Variants in STK32B observed in about 807,000 individuals in gnomAD.
STK32B encodes the protein serine/threonine kinase 32B, also known as serine/threonine-protein kinase 32B.
Under a neutral mutation model 52.6 loss-of-function variants are expected in STK32B, and 43 were observed. The ratio of observed to expected loss-of-function variants is 0.82; its 90% CI spans 0.64 to 1.05. The LOEUF (loss-of-function observed/expected upper bound fraction) is 1.05, where lower values mean the gene tolerates loss of function less well. Ranked by LOEUF, STK32B falls within the 50% of genes least tolerant of loss-of-function variation. The probability of loss-of-function intolerance (pLI) is 0.00; values close to 1 mark genes in which losing one functional copy is unlikely to be tolerated. For synonymous variants in STK32B, 238 were observed against 204.3 expected (o/e 1.17, Z -1.41); for missense variants, 621 against 534.6 (o/e 1.16, Z -1.59).
At chr4:5,324,677 G>A (rs1731756111) in intron 3 of STK32B, among the ~76,000 whole-genome samples, 2 of 152,198 alleles carry the variant, frequency 1.3e-5, no homozygotes, top group African/African-American at 2.4e-5. Context: ...TCCACACATT[G>A]TCCAATGTTC....
At chr4:5,440,857 G>T (rs921117858) in intron 6 of STK32B, among the ~76,000 whole-genome samples, 36 of 151,810 alleles carry the variant, frequency 2.4e-4, no homozygotes, top group Non-Finnish European at 4.0e-4. Context: ...CATCTATTGA[G>T]ATAATCATGT....
At chr4:5,245,435 A>G (rs1725371711) in intron 3 of STK32B, among the ~76,000 whole-genome samples, 1 of 152,080 alleles carries the variant, frequency 6.6e-6, no homozygotes, top group Non-Finnish European at 1.5e-5. Context: ...TGCTTGGTAG[A>G]TCTTCCTCCA....
chr4:5,134,291 GT>G (rs2108825042), intron 1 of STK32B, among the ~76,000 whole-genome samples: 1 of 152,288 alleles, frequency 6.6e-6, no homozygotes, highest in Admixed American at 6.5e-5. Context: ...CTAATAAAAG[GT>G]GATTAGGCCA....
At chr4:5,222,449 T>TA (rs1456584742) in intron 3 of STK32B, among the ~76,000 whole-genome samples, 1 of 152,144 alleles carries the variant, frequency 6.6e-6, no homozygotes, top group Non-Finnish European at 1.5e-5. Context: ...GATTACTAAG[T>TA]GGTCATGATC....
In STK32B at chr4:5,380,723, G is replaced by C. The variant is rs188243803; in HGVS notation, c.435-17484G>C. Among the ~76,000 whole-genome samples, 6 of 152,214 alleles carry C rather than the reference G, an allele frequency of 3.9e-5. No individual in the cohort carries two copies. In the East Asian group the frequency reaches 1.2e-3, roughly 29 times the overall value. On this transcript the variant is annotated intron_variant, in intron 4 of 11. Coordinates refer to ENST00000282908, the MANE Select transcript of STK32B (RefSeq NM_018401.3). The surrounding 1 kb of genome is among the most constrained non-coding windows in gnomAD (Gnocchi z 4.3). ...GAAATCCTTAAAGCTTTGAACAAAG[G>C]GCCCTGCATTTTCTTTTTGCACTGG...
chr4:5,049,580 A>G (rs921749182), upstream of STK32B, among the ~76,000 whole-genome samples: 1 of 152,136 alleles, frequency 6.6e-6, no homozygotes, highest in African/African-American at 2.4e-5. Context: ...GGAGCTTCTG[A>G]GCCAGGAGAA....
chr4:5,377,679 A>G (rs1735667412), intron 4 of STK32B, among the ~76,000 whole-genome samples: 2 of 152,134 alleles, frequency 1.3e-5, no homozygotes, highest in Admixed American at 1.3e-4. Flanking sequence ...GTCTTCTCCC[A>G]TGTTGTTCTG....
At position 5,341,782 on chromosome 4, in the gene STK32B, G is replaced by A. The variant is rs528615373; in HGVS notation, c.434+10389G>A. On this transcript the variant is annotated intron_variant, in intron 4 of 11. Coordinates refer to ENST00000282908, the MANE Select transcript of STK32B (RefSeq NM_018401.3). ...AGGAAACCTGCAGTCATGGTGGAAG[G>A]TAAAGGGGGAGCAGGCACATTACAT... Among the ~76,000 whole-genome samples the A allele has an allele frequency of 2.0e-5, 3 of 152,294 alleles. No individual in the cohort carries two copies. The South Asian group carries it at 6.2e-4, about 32-fold the overall frequency.
At chr4:5,272,864 G>C (rs1272555675) in intron 3 of STK32B, among the ~76,000 whole-genome samples, 1 of 141,220 alleles carries the variant, frequency 7.1e-6, no homozygotes, top group African/African-American at 2.7e-5. Flanking sequence ...AGATTTAAAC[G>C]TTAGACCTAA....
intron 2 of STK32B, among the ~76,000 whole-genome samples, chr4:5,154,835 G>C (rs76608459): frequency 6.6e-6 from 1 of 152,164 alleles, no homozygotes; most frequent in Non-Finnish European, 1.5e-5. Context: ...GTGAGTGCTC[G>C]GGTGAGAGAG....
At chr4:5,319,494 A>C (rs758375505) in intron 3 of STK32B, among the ~76,000 whole-genome samples, 3 of 152,194 alleles carry the variant, frequency 2.0e-5, no homozygotes, top group Admixed American at 6.5e-5. Flanking sequence ...AATAAAGTCC[A>C]AACTTCTTAT....
At chr4:5,473,886 A>G (rs948727721) in intron 11 of STK32B, among the ~76,000 whole-genome samples, 4 of 152,092 alleles carry the variant, frequency 2.6e-5, no homozygotes, top group African/African-American at 4.8e-5. Flanking sequence ...AGGCCGAGGC[A>G]GGTGGATCAC....
intron 5 of STK32B, among the ~76,000 whole-genome samples, chr4:5,408,790 G>C (rs1268905107): frequency 6.6e-6 from 1 of 152,160 alleles, no homozygotes. Flanking sequence ...AGCCCCATAT[G>C]ATGGAATGAG....
chr4:5,321,985 C>G (rs1227605863), intron 3 of STK32B, among the ~76,000 whole-genome samples: 2 of 135,864 alleles, frequency 1.5e-5, no homozygotes, highest in African/African-American at 2.9e-5. Context: ...GGCTTCAAGA[C>G]TCTTGTGCCT....
chr4:5,416,253 T>C lies in STK32B; in HGVS notation c.473-592T>C, dbSNP rs748036616. On this transcript the variant is annotated intron_variant, in intron 5 of 11. Coordinates refer to ENST00000282908, the MANE Select transcript of STK32B (RefSeq NM_018401.3). ...ATCACTTAGTTTCCTTCCCTTCTTC[T>C]CTTTCCCTTTTCCTTCCTTGTCATG... 9.2e-5 allele frequency among the ~76,000 whole-genome samples: 14 copies of C among 152,282 alleles called. 1 individual carries two copies. Among genetic ancestry groups the C allele is most frequent in the Non-Finnish European group, 1.9e-4 (13 of 68,014 alleles).
At chr4:5,274,872 A>G (rs1057406530) in intron 3 of STK32B, among the ~76,000 whole-genome samples, 10 of 152,106 alleles carry the variant, frequency 6.6e-5, no homozygotes, top group African/African-American at 2.4e-4. Flanking sequence ...GGTGTCCGCT[A>G]TGCTCCTGAT....
At chr4:5,338,605 C>CTGGTG (rs1732863899) in intron 4 of STK32B, among the ~76,000 whole-genome samples, 1 of 152,146 alleles carries the variant, frequency 6.6e-6, no homozygotes, top group African/African-American at 2.4e-5. Flanking sequence ...GAGATAAATG[C>CTGGTG]CGATGTTCCA....
intron 3 of STK32B, among the ~76,000 whole-genome samples, chr4:5,303,795 G>C (rs1272747922): frequency 2.6e-5 from 4 of 152,082 alleles, no homozygotes; most frequent in Admixed American, 2.6e-4. Context: ...TTTTCTTCTA[G>C]AATTTGTGTA....
At chr4:5,310,244 TAAAC>T (rs1009030660) in intron 3 of STK32B, among the ~76,000 whole-genome samples, 8 of 151,876 alleles carry the variant, frequency 5.3e-5, no homozygotes, top group Non-Finnish European at 8.8e-5. Context: ...ACAGAGTAAA[TAAAC>T]AACCTTCAGA....
Sources: gnomAD v4.1 joint callset for allele counts (sites outside exome capture counted in the v4.1 genomes callset) on GRCh38, gnomAD v4.1.1 for gene constraint, Gnocchi (gnomAD v3.1) non-coding constraint, MANE v1.5 for transcripts, NCBI Gene and HGNC (gene_info 2026-07-23, HGNC 2026-07-21) for gene names.